The following NLRP13 variants were observed in gnomAD, a reference collection of about 807,000 sequenced individuals.
The protein encoded by NLRP13 is NACHT, LRR and PYD domains-containing protein 13.
A neutral mutation model predicts 94.4 loss-of-function variants in NLRP13; 82 were observed. That is an observed-to-expected ratio of 0.87 (90% CI 0.73 to 1.04). NLRP13 has a LOEUF of 1.04. NLRP13 is among the 50% of genes least tolerant of loss of function. NLRP13 has a pLI of 0.00. For missense variants in NLRP13, 1,426 were observed against 1,230.8 expected (o/e 1.16, Z -2.37); for synonymous variants, 553 against 464.7 (o/e 1.19, Z -2.45).
chr19:55,915,078 G>C (rs1480092681), intron 4 of NLRP13, among the ~76,000 whole-genome samples: 1 of 152,192 alleles, frequency 6.6e-6, no homozygotes, highest in Non-Finnish European at 1.5e-5. Context: ...GAGAAATTTT[G>C]AGCAAAGGGT....
At chr19:55,894,504 C>T (rs563694584), downstream of NLRP13, among the ~76,000 whole-genome samples, 1 of 152,316 alleles carries the variant, frequency 6.6e-6, no homozygotes, top group South Asian at 2.1e-4. Flanking sequence ...CACCCTTCAT[C>T]TCTAGTCACC....
Position 55,924,607 on chromosome 19 carries a change from T to G in NLRP13, c.440A>C (p.Glu147Ala). The G allele has an allele frequency of 6.2e-7, 1 of 1,613,106 alleles. No individual in the cohort carries two copies. The highest frequency in any genetic ancestry group is 1.1e-5 in the South Asian group (1 of 91,036). The stretch of plus-strand genomic sequence containing the variant: ...GTACACACCTGTTTCTTCTTCTAGC[T>G]CGTCTAGTTCTTCTTGGTTTGGATC... ...CQDPNQEELDELEEETGNVQA... is the reference protein window; with the variant it reads ...CQDPNQEELDALEEETGNVQA... Residue 147 changes from glutamate (E) to alanine (A), a missense_variant, in exon 3 of 11, where the codon GAG becomes GCG. Glu to Ala is a moderately radical substitution (Grantham distance 107). Transcript: ENST00000342929.
At chr19:55,925,883 C>T (rs1600278818) in intron 1 of NLRP13, among the ~76,000 whole-genome samples, 1 of 152,204 alleles carries the variant, frequency 6.6e-6, no homozygotes, top group Non-Finnish European at 1.5e-5. Flanking sequence ...AACAAGAATC[C>T]ATCATTCTAC....
chr19:55,921,858 A>G (rs1986836522), intron 4 of NLRP13, among the ~76,000 whole-genome samples: 1 of 152,190 alleles, frequency 6.6e-6, no homozygotes, highest in South Asian at 2.1e-4. Flanking sequence ...GCTGGAAGAG[A>G]CCAGAACAGA....
intron 10 of NLRP13, 58 bp downstream of exon 10, chr19:55,898,712 C>A: frequency 6.7e-7 from 1 of 1,497,036 alleles, no homozygotes. Context: ...CCGATCATAT[C>A]TCCCCACCCG....
chr19:55,928,459 G>T (rs931212453), intron 1 of NLRP13, among the ~76,000 whole-genome samples: 1 of 152,118 alleles, frequency 6.6e-6, no homozygotes, highest in Non-Finnish European at 1.5e-5. Flanking sequence ...ATAAATGCTT[G>T]AGGTGATGGA....
chr19:55,930,760 G>C (rs1351652003), intron 1 of NLRP13, among the ~76,000 whole-genome samples: 2 of 148,304 alleles, frequency 1.3e-5, no homozygotes, highest in Non-Finnish European at 3.0e-5. Context: ...ATTTTCAACA[G>C]CTCTCATAGG....
rs145808769 is a variant in NLRP13, at chr19:55,922,273, G to A, written c.523+1641C>T. On this transcript the variant is annotated intron_variant, in intron 4 of 10. Transcript: ENST00000342929. ...ATTTCGGTGGAGACACAGCCAAACC[G>A]TATCATTTGGCCTGTCTCTCAAAGA... Among the ~76,000 whole-genome samples, 576 of 151,996 alleles carry A rather than the reference G, an allele frequency of 3.8e-3. 20 individuals are homozygous for A. The South Asian group carries it at 0.079, about 21-fold the overall frequency.
chr19:55,898,003 G>T (rs1242936770), intron 10 of NLRP13, among the ~76,000 whole-genome samples: 4 of 152,176 alleles, frequency 2.6e-5, no homozygotes, highest in Non-Finnish European at 5.9e-5. Context: ...CACGTTGCAT[G>T]ATGGTTAACA....
chr19:55,921,669 G>A (rs1163814319), intron 4 of NLRP13, among the ~76,000 whole-genome samples: 7 of 152,152 alleles, frequency 4.6e-5, no homozygotes, highest in African/African-American at 1.7e-4. Context: ...TGGAGAAGAG[G>A]AACTTATCCT....
chr19:55,917,223 A>C (rs945366903), intron 4 of NLRP13, among the ~76,000 whole-genome samples: 1 of 152,144 alleles, frequency 6.6e-6, no homozygotes, highest in Non-Finnish European at 1.5e-5. Context: ...AAGGAGTTCT[A>C]AACATGGAAC....
intron 9 of NLRP13, among the ~76,000 whole-genome samples, chr19:55,901,300 C>T (rs1359736070): frequency 6.6e-6 from 1 of 152,236 alleles, no homozygotes; most frequent in East Asian, 1.9e-4. Context: ...AAATCCTGAC[C>T]CCGTGCCCTT....
intron 6 of NLRP13, among the ~76,000 whole-genome samples, chr19:55,908,238 G>A (rs191807326): frequency 3.9e-5 from 6 of 152,058 alleles, no homozygotes; most frequent in Middle Eastern, 6.8e-3. Context: ...GAGGTCCTGG[G>A]GCCACCTATT....
In NLRP13 at chr19:55,910,456, A is replaced by C. The variant is rs966216074; in HGVS notation, c.2282+107T>G. ...AAGCACAGTTTATTTTATCCTCCTG[A>C]GCACGTAGCTTGCCTTCTGGCAAAT... On this transcript the variant is annotated intron_variant, in intron 6 of 10. Transcript: ENST00000342929. 8 of 1,059,908 alleles carry C rather than the reference A, an allele frequency of 7.5e-6. No individual in the cohort carries two copies. The African/African-American group carries it at 1.3e-4, about 17-fold the overall frequency. 65.7% of individuals were successfully genotyped at this position (1,059,908 alleles called of 1,614,324 possible).
intron 4 of NLRP13, 102 bp downstream of exon 4, chr19:55,923,812 A>T: frequency 1.2e-6 from 1 of 825,960 alleles, no homozygotes; most frequent in Non-Finnish European, 2.1e-6. Flanking sequence ...GCATACCATA[A>T]ACTGAAGAAA....
chr19:55,917,481 T>G (rs1986701278), intron 4 of NLRP13, among the ~76,000 whole-genome samples: 2 of 151,966 alleles, frequency 1.3e-5, no homozygotes, highest in South Asian at 4.1e-4. Flanking sequence ...AAGATATAAA[T>G]TGGAGGAATA....
rs187449765 is a variant in NLRP13, at chr19:55,929,472, G to A, written c.319+2521C>T. Among the ~76,000 whole-genome samples the A allele has an allele frequency of 7.7e-4, 117 of 152,246 alleles. 1 individual carries two copies. The highest frequency in any genetic ancestry group is 3.4e-3 in the Middle Eastern group (1 of 294). On this transcript the variant is annotated intron_variant, in intron 1 of 10. Transcript: ENST00000342929. ...AAAAAAGGATGAGTTCATGTCCTTC[G>A]CAGGGACATAGATGAAGCTGGAAAC...
chr19:55,907,295 G>A (rs957536265), intron 7 of NLRP13, among the ~76,000 whole-genome samples: 5 of 151,424 alleles, frequency 3.3e-5, no homozygotes, highest in Admixed American at 6.6e-5. Context: ...AGGTTGGGCC[G>A]GGCACATTGA....
chr19:55,931,048 T>C (rs1222712073), intron 1 of NLRP13, among the ~76,000 whole-genome samples: 1 of 146,298 alleles, frequency 6.8e-6, no homozygotes, highest in African/African-American at 2.6e-5. Flanking sequence ...ACAGAAGATG[T>C]GGCATGAAAC....
Sources: allele counts gnomAD v4.1 joint callset (sites outside exome capture counted in the v4.1 genomes callset), GRCh38; gene constraint gnomAD v4.1.1; transcripts MANE v1.5; gene names NCBI Gene and HGNC (gene_info 2026-07-23, HGNC 2026-07-21).